SPATA33: variants seen among roughly 807,000 people sequenced by gnomAD.
The protein encoded by SPATA33 is spermatogenesis-associated protein 33.
A neutral mutation model predicts 8.9 loss-of-function variants in SPATA33; 10 were observed. The ratio of observed to expected loss-of-function variants is 1.12; its 90% CI spans 0.69 to 1.90. SPATA33 has a LOEUF of 1.90. Ranked by LOEUF, SPATA33 falls within the 40% of genes most tolerant of loss-of-function variation. The pLI is 0.00. For synonymous variants in SPATA33, 96 were observed against 72.8 expected, an observed-to-expected ratio of 1.32 and a Z score of -1.63; for missense variants, 241 against 178.3, an observed-to-expected ratio of 1.35 and a Z score of -2.00.
At position 89,660,834 on chromosome 16, in the gene SPATA33, C is replaced by T. The variant is rs1433998183; in HGVS notation, c.211+2413C>T. On this transcript the variant is annotated intron_variant, in intron 2 of 2. Transcript: ENST00000579310. ...GCACTGCAGTTTAGTAGTCCTGGTC[C>T]CTAAGCCCTTCCAGCCCAGGAGCCA... The T allele has an allele frequency of 6.9e-6, 8 of 1,155,732 alleles. No individual in the cohort carries two copies. The South Asian group carries it at 3.5e-4, about 51-fold the overall frequency. 71.6% of individuals were successfully genotyped at this position (1,155,732 alleles called of 1,614,324 possible). A position where few individuals can be genotyped will look rare whatever the true frequency, so the allele number is the denominator to read the frequency against.
chr16:89,666,809 C>T (rs1206295292), intron 2 of SPATA33, among the ~76,000 whole-genome samples: 1 of 152,156 alleles, frequency 6.6e-6, no homozygotes, highest in Admixed American at 6.5e-5. Context: ...CCCTTCCCTG[C>T]CTGGCAGCCA....
intron 2 of SPATA33, chr16:89,660,941 G>C (rs969486473): frequency 1.1e-5 from 11 of 1,017,818 alleles, no homozygotes; most frequent in Middle Eastern, 4.8e-4. Flanking sequence ...ATGCACCTCA[G>C]GGGGAGCCAG....
At chr16:89,658,565 C>T in intron 2 of SPATA33, 144 bp downstream of exon 2, 6 of 1,064,894 alleles carry the variant, frequency 5.6e-6, no homozygotes, top group Non-Finnish European at 7.9e-6. Context: ...GTTTTGGGAA[C>T]TTTATGTAGG....
chr16:89,658,205 A>G (rs1236086434), intron 1 of SPATA33, 43 bp from the exon 2 acceptor site: 1 of 1,610,678 alleles, frequency 6.2e-7, no homozygotes. Context: ...ACTGCCCTGC[A>G]TTCGGTAAGT....
intron 2 of SPATA33, among the ~76,000 whole-genome samples, chr16:89,668,348 G>A (rs935430247): frequency 2.0e-5 from 3 of 152,218 alleles, no homozygotes; most frequent in Non-Finnish European, 4.4e-5. Context: ...AACCAGCACT[G>A]CCATTGCCAG....
intron 2 of SPATA33, chr16:89,660,900 G>T (rs1303834417): frequency 5.7e-6 from 6 of 1,057,210 alleles, no homozygotes; most frequent in Admixed American, 5.5e-5. Context: ...CCAGGCTCTG[G>T]CTGGAACCTT....
chr16:89,657,937 A>C lies in SPATA33; in HGVS notation c.26A>C (p.Lys9Thr). 1 of 1,517,304 alleles carries C rather than the reference A, an allele frequency of 6.6e-7. No individual in the cohort carries two copies. Among genetic ancestry groups the C allele is most frequent in the South Asian group, 1.2e-5 (1 of 82,080 alleles). 94.0% of individuals were successfully genotyped at this position (1,517,304 alleles called of 1,614,324 possible). MGLSKSKE[K>T]PRKGEEQKKG... ...ATGGGCCTTTCCAAAAGCAAAGAGAAACCCAGGAAAGGTAAAGGAGGCGCA... is the reference window on the plus strand; with the variant it reads ...ATGGGCCTTTCCAAAAGCAAAGAGACACCCAGGAAAGGTAAAGGAGGCGCA... Residue 9 changes from lysine to threonine, a missense_variant, in exon 1 of 3, where the codon AAA (lysine) becomes ACA (threonine). Coordinates refer to ENST00000579310, the MANE Select transcript of SPATA33 (RefSeq NM_001271907.2).
intron 2 of SPATA33, chr16:89,661,300 G>A: frequency 1.3e-6 from 1 of 741,040 alleles, no homozygotes; most frequent in Non-Finnish European, 1.6e-6. Flanking sequence ...TATGGGGGCA[G>A]GTCTTTCCTG....
intron 2 of SPATA33, among the ~76,000 whole-genome samples, chr16:89,666,963 G>A (rs187995094): frequency 2.6e-5 from 4 of 152,220 alleles, no homozygotes; most frequent in South Asian, 2.1e-4. Context: ...GACTAGGAGC[G>A]TGACCACTGA....
At chr16:89,659,154 A>T (rs1159295880) in intron 2 of SPATA33, 4 of 152,162 alleles carry the variant, frequency 2.6e-5, no homozygotes, top group Admixed American at 2.6e-4. Flanking sequence ...AATATTTAAA[A>T]ATAAAAAACA....
chr16:89,660,407 G>T, intron 2 of SPATA33: 3 of 1,196,038 alleles, frequency 2.5e-6, no homozygotes, highest in Non-Finnish European at 3.1e-6. Flanking sequence ...AGGACCGCCT[G>T]TTGGAAGGGC....
At chr16:89,666,967 C>T (rs1261707802) in intron 2 of SPATA33, among the ~76,000 whole-genome samples, 1 of 152,234 alleles carries the variant, frequency 6.6e-6, no homozygotes, top group Non-Finnish European at 1.5e-5. Flanking sequence ...AGGAGCGTGA[C>T]CACTGAAGCA....
chr16:89,658,364 A>C lies in SPATA33; in HGVS notation c.154A>C (p.Ser52Arg), dbSNP rs1013917244. 6.2e-7 allele frequency: 1 copy of C among 1,613,576 alleles called. No individual in the cohort carries two copies. Among genetic ancestry groups the C allele is most frequent in the Admixed American group, 1.7e-5 (1 of 60,002 alleles). The change falls in exon 2 of 3, where the codon AGC (serine) becomes CGC (arginine). Residue 52 changes from serine to arginine, a missense_variant. Ser to Arg is a moderately radical substitution (Grantham distance 110, BLOSUM62 -1). Transcript: ENST00000579310. ...CAGGGAGTCGGAGAAGCCTGTGGAC[A>C]GCCTCCACCCGGGGGCCGGGACAGC... ...ADRESEKPVD[S>R]LHPGAGTAKH... is the part of the protein sequence containing the mutation.
At chr16:89,660,786 C>T (rs773785278) in intron 2 of SPATA33, 9 of 1,020,662 alleles carry the variant, frequency 8.8e-6, no homozygotes, top group Non-Finnish European at 1.1e-5. Context: ...AAATGGTTTT[C>T]GACCTGAATC....
intron 2 of SPATA33, among the ~76,000 whole-genome samples, chr16:89,668,288 G>C (rs559011711): frequency 4.6e-5 from 7 of 152,184 alleles, no homozygotes; most frequent in Non-Finnish European, 8.8e-5. Flanking sequence ...CTCCAGCCTG[G>C]GTGACAGAGC....
chr16:89,660,279 C>T (rs965646289), intron 2 of SPATA33: 28 of 388,976 alleles, frequency 7.2e-5, no homozygotes, highest in Non-Finnish European at 1.1e-4. Context: ...CCCAGGAAGG[C>T]TTCGCCTGCC....
intron 2 of SPATA33, among the ~76,000 whole-genome samples, chr16:89,662,627 A>T (rs2059978554): frequency 2.0e-5 from 3 of 152,104 alleles, no homozygotes; most frequent in South Asian, 4.1e-4. Context: ...AGGTTTCGCC[A>T]CGTTGGCTAG....
At chr16:89,660,394 A>C in intron 2 of SPATA33, 1 of 1,094,218 alleles carries the variant, frequency 9.1e-7, no homozygotes, top group Non-Finnish European at 1.2e-6. Flanking sequence ...AAGTGGGGGA[A>C]GGAGGACCGC....
At chr16:89,668,778 C>T (rs992189906) in intron 2 of SPATA33, among the ~76,000 whole-genome samples, 5 of 152,268 alleles carry the variant, frequency 3.3e-5, no homozygotes, top group Admixed American at 3.3e-4. Flanking sequence ...CGTGGCAACG[C>T]TCGGCAGGCT....
Sources: gnomAD v4.1 joint callset for allele counts (sites outside exome capture counted in the v4.1 genomes callset) on GRCh38, gnomAD v4.1.1 for gene constraint, MANE v1.5 for transcripts, NCBI Gene and HGNC (gene_info 2026-07-23, HGNC 2026-07-21) for gene names.